The following STPG1 variants were observed in gnomAD, a reference collection of about 807,000 sequenced individuals.
STPG1 encodes O(6)-methylguanine-induced apoptosis 2.
In STPG1, 33 loss-of-function variants were observed where a neutral mutation model predicts 40.1. The ratio of observed to expected loss-of-function variants is 0.82; its 90% confidence interval spans 0.62 to 1.10. The LOEUF (loss-of-function observed/expected upper bound fraction) is 1.10, where lower values mean the gene tolerates loss of function less well. Ranked by LOEUF, STPG1 falls within the 50% of genes least tolerant of loss-of-function variation. The probability of loss-of-function intolerance (pLI) is 0.00; values close to 1 mark genes in which losing one functional copy is unlikely to be tolerated. For missense variants in STPG1, 396 were observed against 415.1 expected, an observed-to-expected ratio of 0.95 and a Z score of 0.40; for synonymous variants, 150 against 155.0, an observed-to-expected ratio of 0.97 and a Z score of 0.24.
At chr1:24,364,402 G>A (rs773122253) in intron 7 of STPG1, 27 of 1,511,384 alleles carry the variant, frequency 1.8e-5, no homozygotes, top group South Asian at 9.3e-5. Context: ...GTGGAAGGAC[G>A]ACGGCAGGTC....
chr1:24,364,420 A>G, intron 7 of STPG1: 1 of 1,489,398 alleles, frequency 6.7e-7, no homozygotes, highest in Non-Finnish European at 8.9e-7. Context: ...GTCACATCTG[A>G]GAGCTCTCAG....
At position 24,359,979 on chromosome 1, in the gene STPG1, G is replaced by A. The variant is rs1468708546; in HGVS notation, c.928+872C>T. Among the ~76,000 whole-genome samples the A allele has an allele frequency of 1.3e-5, 2 of 152,100 alleles. No individual in the cohort carries two copies. The highest frequency in any genetic ancestry group is 2.9e-5 in the Non-Finnish European group (2 of 68,018). On this transcript the variant is annotated intron_variant, in intron 8 of 8. Transcript: ENST00000337248. This position sits in a 1 kb window ranked among gnomAD's most constrained non-coding sequence, Gnocchi z 5.3. ...CTAGAAGGTTCAAAAGAGCTGCTCC[G>A]TTGGACAGTCCCTGGTTAATTTCAT...
chr1:24,385,935 T>C (rs1325889170), intron 3 of STPG1, among the ~76,000 whole-genome samples: 1 of 152,172 alleles, frequency 6.6e-6, no homozygotes, highest in Non-Finnish European at 1.5e-5. Flanking sequence ...ACTGTGACTC[T>C]TCTAGGTTTA....
Position 24,373,763 on chromosome 1 carries a change from G to A in STPG1, c.510C>T (p.Ala170=), listed in dbSNP as rs781296318. The A allele has an allele frequency of 2.7e-5, 43 of 1,612,614 alleles. No individual in the cohort carries two copies. Among genetic ancestry groups the A allele is most frequent in the Non-Finnish European group, 3.2e-5 (38 of 1,178,796 alleles). ...CTCTTTGGGTTTTTGACATAAACCC[G>A]GCTCGAGTACAGACGTTGTTTCTCT... ...CKQRNNVCTR[A]GFMSKTQRGS... Residue 170 remains alanine, a synonymous_variant, in exon 6 of 9, where the codon GCC becomes GCT. Transcript: ENST00000337248.
chr1:24,389,872 CTGTGTGTG>C (rs538730902), intron 3 of STPG1, among the ~76,000 whole-genome samples: 1 of 152,090 alleles, frequency 6.6e-6, no homozygotes, highest in Non-Finnish European at 1.5e-5. Flanking sequence ...TGATTTAAAA[CTGTGTGTG>C]TGTGTTTGTG....
intron 1 of STPG1, among the ~76,000 whole-genome samples, chr1:24,412,813 G>T (rs748522709): frequency 2.0e-5 from 3 of 152,218 alleles, no homozygotes; most frequent in Non-Finnish European, 2.9e-5. Context: ...TGTGTGTACA[G>T]CTGTGCTCAG....
intron 5 of STPG1, among the ~76,000 whole-genome samples, chr1:24,378,604 C>A (rs2884926): frequency 0.39 from 59,866 of 151,972 alleles, 12,071 homozygotes; most frequent in African/African-American, 0.47. Context: ...CCAGCCTGGG[C>A]AACAGAGCAA....
Position 24,357,785 on chromosome 1 carries a change from T to A in STPG1, c.*758A>T, listed in dbSNP as rs1258353847. The A allele has an allele frequency of 5.1e-6, 1 of 196,240 alleles. No individual in the cohort carries two copies. The highest frequency in any genetic ancestry group is 1.1e-5 in the Non-Finnish European group (1 of 92,400). The allele number at this position is 196,240 out of a possible 1,614,324, so 12.2% of individuals were successfully genotyped here. On this transcript the variant is annotated 3_prime_UTR_variant, in exon 9 of 9. Transcript: ENST00000337248. ...CCTCCACATAGAGAGACGAAAGCTA[T>A]CAGGCCTAGACAGGCCATGTGGACT...
At chr1:24,360,817 TG>T in intron 8 of STPG1, 33 bp downstream of exon 8, 1 of 1,552,790 alleles carries the variant, frequency 6.4e-7, no homozygotes, top group Non-Finnish European at 8.7e-7. Flanking sequence ...CCAGAAGATT[TG>T]GTTTTTACAA....
At chr1:24,395,100 T>C (rs1013122599) in intron 2 of STPG1, among the ~76,000 whole-genome samples, 3 of 151,222 alleles carry the variant, frequency 2.0e-5, no homozygotes, top group African/African-American at 7.3e-5. Context: ...ATGTCACATA[T>C]GAAGAAACAA....
At chr1:24,362,798 G>A (rs931877553) in intron 7 of STPG1, among the ~76,000 whole-genome samples, 1 of 152,234 alleles carries the variant, frequency 6.6e-6, no homozygotes, top group Admixed American at 6.5e-5. Flanking sequence ...ACATCTTGTG[G>A]TGGAGGAGCA....
rs181464751 is a variant in STPG1, at chr1:24,412,781, G to C, written c.-69+893C>G. Among the ~76,000 whole-genome samples the C allele has an allele frequency of 2.6e-3, 398 of 152,312 alleles. 1 individual carries two copies. Among genetic ancestry groups the C allele is most frequent in the Non-Finnish European group, 3.5e-3 (241 of 68,034 alleles). On this transcript the variant is annotated intron_variant, in intron 1 of 8. Coordinates refer to ENST00000337248, the MANE Select transcript of STPG1 (RefSeq NM_001199013.2). ...GGAATGAATGAATGAATGAATACTA[G>C]AGGTAGACACCTTTTAGCAATTGTG...
At chr1:24,362,776 G>A (rs1569969859) in intron 7 of STPG1, among the ~76,000 whole-genome samples, 1 of 152,224 alleles carries the variant, frequency 6.6e-6, no homozygotes, top group African/African-American at 2.4e-5. Flanking sequence ...CATCATAAAT[G>A]TGCTTGGGCT....
intron 6 of STPG1, among the ~76,000 whole-genome samples, chr1:24,372,468 T>TC (rs1315657849): frequency 2.0e-5 from 3 of 151,894 alleles, no homozygotes; most frequent in Non-Finnish European, 4.4e-5. Flanking sequence ...CTTCTCAGGA[T>TC]CCCCCCACCC....
chr1:24,390,037 C>T (rs1009489636), intron 3 of STPG1, among the ~76,000 whole-genome samples: 13 of 152,238 alleles, frequency 8.5e-5, no homozygotes, highest in African/African-American at 2.7e-4. Context: ...AGGCCCCTCA[C>T]TCCATGCCTT....
At chr1:24,371,420 T>C (rs532955236) in intron 6 of STPG1, among the ~76,000 whole-genome samples, 60 of 151,948 alleles carry the variant, frequency 3.9e-4, no homozygotes, top group African/African-American at 1.4e-3. Flanking sequence ...AGACACCATC[T>C]CTACTAAAAA....
At chr1:24,363,294 C>A (rs1481485964) in intron 7 of STPG1, among the ~76,000 whole-genome samples, 1 of 152,200 alleles carries the variant, frequency 6.6e-6, no homozygotes, top group Non-Finnish European at 1.5e-5. Context: ...AGGCTCAGAA[C>A]CTTCAGCCTA....
Position 24,383,978 on chromosome 1 carries a change from T to C in STPG1, c.215A>G (p.Tyr72Cys). The C allele has an allele frequency of 6.2e-7, 1 of 1,613,540 alleles. No homozygotes were observed. Among genetic ancestry groups the C allele is most frequent in the South Asian group, 1.1e-5 (1 of 91,060 alleles). Residue 72 changes from tyrosine to cysteine, a missense_variant, in exon 4 of 9, where the codon TAC becomes TGC. Transcript: ENST00000337248. ...CACCGGTGACTGGTGAATAACATTG[T>C]AGAACCCAGGTCCTGGGATATCATT... Reference protein sequence around the residue: ...KKNDIPGPGFYNVIHQSPVSN... With the variant: ...KKNDIPGPGFCNVIHQSPVSN...
chr1:24,358,653 G>A (rs1416154494), intron 8 of STPG1, 34 bp from the exon 9 acceptor site: 1 of 1,544,674 alleles, frequency 6.5e-7, no homozygotes, highest in Admixed American at 1.7e-5. Flanking sequence ...GGCATTAAGA[G>A]AGAAAAGGCC....
Sources: allele counts gnomAD v4.1 joint callset (sites outside exome capture counted in the v4.1 genomes callset), GRCh38; gene constraint gnomAD v4.1.1; non-coding constraint Gnocchi (gnomAD v3.1); transcripts MANE v1.5; gene names NCBI Gene and HGNC (gene_info 2026-07-23, HGNC 2026-07-21).